Variants in GALNTL6 observed in about 807,000 individuals in gnomAD.
GALNTL6 encodes polypeptide N-acetylgalactosaminyltransferase-like 6.
A neutral mutation model predicts 73.7 loss-of-function variants in GALNTL6; 46 were observed. That is an observed-to-expected ratio of 0.62 (90% CI 0.49 to 0.80). The LOEUF (loss-of-function observed/expected upper bound fraction) is 0.80, where lower values mean the gene tolerates loss of function less well. Among genes scored for constraint, GALNTL6 ranks in the 30% least tolerant of loss-of-function variants. The pLI, the probability that GALNTL6 is intolerant of heterozygous loss-of-function variation, is 0.00. For synonymous variants in GALNTL6, 259 were observed against 263.7 expected (o/e 0.98, Z 0.17); for missense variants, 604 against 755.0 (o/e 0.80, Z 2.34).
chr4:172,949,231 A>G (rs868074420), intron 9 of GALNTL6, among the ~76,000 whole-genome samples: 1 of 152,220 alleles, frequency 6.6e-6, no homozygotes, highest in Non-Finnish European at 1.5e-5. Context: ...CTGGAACCAC[A>G]CAAGATGCTA....
At chr4:171,935,180 A>C (rs1255741033) in intron 2 of GALNTL6, among the ~76,000 whole-genome samples, 2 of 152,068 alleles carry the variant, frequency 1.3e-5, no homozygotes, top group Non-Finnish European at 2.9e-5. Context: ...CCTAAATTTT[A>C]TTTTCAAAAT....
chr4:172,725,601 TG>T (rs1346694173), intron 5 of GALNTL6, among the ~76,000 whole-genome samples: 1 of 152,202 alleles, frequency 6.6e-6, no homozygotes, highest in African/African-American at 2.4e-5. Flanking sequence ...AGATAAAAAT[TG>T]GGTTGAAAAT....
At chr4:172,790,755 A>G (rs139288346) in intron 5 of GALNTL6, among the ~76,000 whole-genome samples, 2,089 of 152,134 alleles carry the variant, frequency 0.014, 39 homozygotes, top group African/African-American at 0.047. Context: ...TTAGCTGGGC[A>G]TGGTGATGTG....
At chr4:172,955,276 G>C (rs1330240714) in intron 10 of GALNTL6, among the ~76,000 whole-genome samples, 2 of 151,936 alleles carry the variant, frequency 1.3e-5, no homozygotes, top group African/African-American at 4.8e-5. Context: ...TCAGGAGTTC[G>C]AGACCAGCCT....
At chr4:172,678,297 T>G (rs1053553988) in intron 5 of GALNTL6, among the ~76,000 whole-genome samples, 6 of 128,938 alleles carry the variant, frequency 4.7e-5, no homozygotes, top group African/African-American at 1.5e-4. Context: ...AATTCTCTTT[T>G]GCCCAGTTTT....
intron 10 of GALNTL6, among the ~76,000 whole-genome samples, chr4:172,985,702 G>T (rs1382104414): frequency 1.3e-5 from 2 of 152,200 alleles, no homozygotes; most frequent in African/African-American, 4.8e-5. Flanking sequence ...GGAAGTCAAA[G>T]CTGTCCTTTT....
intron 12 of GALNTL6, among the ~76,000 whole-genome samples, chr4:173,032,637 G>C (rs563870548): frequency 6.6e-6 from 1 of 152,156 alleles, no homozygotes; most frequent in South Asian, 2.1e-4. Flanking sequence ...GTGAGCCAAG[G>C]TGGCGCCACT....
intron 5 of GALNTL6, among the ~76,000 whole-genome samples, chr4:172,352,753 G>A (rs1239625853): frequency 2.0e-5 from 3 of 151,924 alleles, no homozygotes; most frequent in African/African-American, 7.3e-5. Flanking sequence ...CTGTATACCC[G>A]AGTATGCACA....
chr4:172,830,554 C>T (rs1742571183), intron 7 of GALNTL6, among the ~76,000 whole-genome samples: 1 of 152,180 alleles, frequency 6.6e-6, no homozygotes, highest in African/African-American at 2.4e-5. Context: ...AGGTAATGTA[C>T]ACAGGGAATC....
chr4:172,402,041 C>G (rs1025770317), intron 5 of GALNTL6, among the ~76,000 whole-genome samples: 7 of 151,724 alleles, frequency 4.6e-5, no homozygotes, highest in African/African-American at 1.7e-4. Context: ...AAATCAACAT[C>G]TGCATTCACC....
At chr4:171,941,039 T>C (rs1473082082) in intron 2 of GALNTL6, among the ~76,000 whole-genome samples, 2 of 151,980 alleles carry the variant, frequency 1.3e-5, no homozygotes, top group Non-Finnish European at 2.9e-5. Context: ...CCAGGAGAAT[T>C]AATAATCTAC....
intron 2 of GALNTL6, among the ~76,000 whole-genome samples, chr4:172,115,180 G>A (rs1446291170): frequency 6.6e-6 from 1 of 151,984 alleles, no homozygotes; most frequent in Non-Finnish European, 1.5e-5. Flanking sequence ...TAAAATCTTT[G>A]ATGTCTCACA....
chr4:172,380,097 G>T, intron 5 of GALNTL6: 1 of 979,106 alleles, frequency 1.0e-6, no homozygotes, highest in South Asian at 1.3e-5. Flanking sequence ...CTTCGTTGGT[G>T]TTTCCACTGC....
intron 3 of GALNTL6, among the ~76,000 whole-genome samples, chr4:172,302,189 TG>T (rs1739957812): frequency 6.6e-6 from 1 of 152,194 alleles, no homozygotes; most frequent in Non-Finnish European, 1.5e-5. Flanking sequence ...TGTAATCTCC[TG>T]GTGTGCTGTT....
Position 172,566,905 on chromosome 4 carries a change from TA to T in GALNTL6, c.553+218219del, listed in dbSNP as rs568007248. 3.9e-5 allele frequency among the ~76,000 whole-genome samples: 6 copies of T among 152,232 alleles called. No individual in the cohort carries two copies. The South Asian group carries it at 1.2e-3, about 32-fold the overall frequency. On this transcript the variant is annotated intron_variant, in intron 5 of 12. Coordinates refer to ENST00000506823, the MANE Select transcript of GALNTL6 (RefSeq NM_001034845.3). ...GCACAATTACACACCAATTTCTTAT[TA>T]AATATCTACTTTTGGTGATCTTTCT... is the stretch of plus-strand genomic sequence containing the variant.
intron 5 of GALNTL6, among the ~76,000 whole-genome samples, chr4:172,760,404 G>A (rs1393344357): frequency 6.6e-6 from 1 of 152,100 alleles, no homozygotes; most frequent in Non-Finnish European, 1.5e-5. Flanking sequence ...TTAGTTAATG[G>A]TCATAATTAG....
intron 7 of GALNTL6, among the ~76,000 whole-genome samples, chr4:172,831,157 C>CAAAAAAAAAAAAAAAAAAAAAAAA (rs60870698): frequency 1.6e-5 from 1 of 63,882 alleles, no homozygotes; most frequent in Admixed American, 2.3e-4. Flanking sequence ...GACTCCCTCT[C>CAAAAAAAAAAAAAAAAAAAAAAAA]AAAAAAAAAA....
chr4:172,677,410 G>T (rs1314709268), intron 5 of GALNTL6, among the ~76,000 whole-genome samples: 10 of 152,170 alleles, frequency 6.6e-5, no homozygotes, highest in Admixed American at 6.5e-4. Flanking sequence ...GATAAAAGGG[G>T]AGAGGGGGAG....
At chr4:172,234,641 C>A (rs35024441) in intron 3 of GALNTL6, among the ~76,000 whole-genome samples, 4 of 152,010 alleles carry the variant, frequency 2.6e-5, no homozygotes, top group Non-Finnish European at 5.9e-5. Flanking sequence ...TAATGGAAAC[C>A]AAATTTGTTA....
Sources: gnomAD v4.1 joint callset for allele counts (sites outside exome capture counted in the v4.1 genomes callset) on GRCh38, gnomAD v4.1.1 for gene constraint, MANE v1.5 for transcripts, NCBI Gene and HGNC (gene_info 2026-07-23, HGNC 2026-07-21) for gene names.